Variants in CHD6 observed in about 807,000 individuals in gnomAD.
The protein encoded by CHD6 is ATP-dependent chromatin remodeler CHD6.
CHD6 carries 50 observed loss-of-function variants against 276.9 expected under a neutral mutation model. The ratio of observed to expected loss-of-function variants is 0.18; its 90% CI spans 0.14 to 0.23. CHD6 has a LOEUF of 0.23. CHD6 is among the 10% of genes least tolerant of loss of function. The pLI, the probability that CHD6 is intolerant of heterozygous loss-of-function variation, is 1.00. For missense variants in CHD6, 2,564 were observed against 3,365.8 expected (o/e 0.76, Z 5.89); for synonymous variants, 1,173 against 1,229.3 (o/e 0.95, Z 0.96).
At chr20:41,481,112 G>GA (rs377588953) in intron 16 of CHD6, among the ~76,000 whole-genome samples, 17 of 147,512 alleles carry the variant, frequency 1.2e-4, no homozygotes, top group African/African-American at 3.5e-4. Context: ...CTCAGAAAAA[G>GA]AAAAAAAAAT....
intron 1 of CHD6, among the ~76,000 whole-genome samples, chr20:41,587,047 A>G (rs897307176): frequency 4.6e-5 from 7 of 152,218 alleles, no homozygotes; most frequent in Non-Finnish European, 1.0e-4. Flanking sequence ...CACTTGACAT[A>G]ACTAATCATA....
At chr20:41,570,776 G>A (rs746811416) in intron 1 of CHD6, among the ~76,000 whole-genome samples, 37 of 152,336 alleles carry the variant, frequency 2.4e-4, no homozygotes, top group Non-Finnish European at 4.6e-4. Flanking sequence ...TAACAACTGA[G>A]CTTTAAGCAG....
intron 25 of CHD6, among the ~76,000 whole-genome samples, chr20:41,441,544 T>C (rs1163291344): frequency 6.6e-6 from 1 of 152,198 alleles, no homozygotes; most frequent in Non-Finnish European, 1.5e-5. Context: ...GGAGGCCAAC[T>C]GTCCAGGAGT....
At position 41,403,677 on chromosome 20, in the gene CHD6, A is replaced by G. The variant is rs1204937591; in HGVS notation, c.*916T>C. ...AAAGAACCTTATTCTTGGTGAAGGA[A>G]AGCCTGAAGTGAAAATCCATTCGGT... On this transcript the variant is annotated 3_prime_UTR_variant, in exon 37 of 37. Coordinates refer to ENST00000373233, the MANE Select transcript of CHD6 (RefSeq NM_032221.5). 1 of 1,059,798 alleles carries G rather than the reference A, an allele frequency of 9.4e-7. No individual in the cohort carries two copies. The highest frequency in any genetic ancestry group is 1.1e-6 in the Non-Finnish European group (1 of 875,922). The allele number at this position is 1,059,798 out of a possible 1,614,324, so 65.6% of individuals were successfully genotyped here.
intron 1 of CHD6, among the ~76,000 whole-genome samples, chr20:41,593,937 C>T (rs747630706): frequency 4.0e-5 from 6 of 151,306 alleles, no homozygotes; most frequent in South Asian, 4.2e-4. Context: ...CTATCCAGTC[C>T]GTAGTATTTT....
chr20:41,497,544 C>T, intron 7 of CHD6, 43 bp from the exon 8 acceptor site: 1 of 1,322,608 alleles, frequency 7.6e-7, no homozygotes. Context: ...ACATAACTAG[C>T]AAATGATCGA....
intron 34 of CHD6, 42 bp downstream of exon 34, chr20:41,415,144 T>C (rs766074178): frequency 6.4e-7 from 1 of 1,560,682 alleles, no homozygotes; most frequent in Non-Finnish European, 8.7e-7. Flanking sequence ...TTTCTCAGTG[T>C]AGAAAGGTAA....
At chr20:41,443,795 C>A (rs2047974378) in intron 25 of CHD6, among the ~76,000 whole-genome samples, 1 of 152,206 alleles carries the variant, frequency 6.6e-6, no homozygotes, top group Non-Finnish European at 1.5e-5. Flanking sequence ...GTATTAAAAA[C>A]CCAGTCCTTC....
At position 41,426,084 on chromosome 20, in the gene CHD6, T is replaced by C. The variant is rs768993033; in HGVS notation, c.4129+9A>G. 20 of 1,594,230 alleles carry C rather than the reference T, an allele frequency of 1.3e-5. No individual in the cohort carries two copies. Among genetic ancestry groups the C allele is most frequent in the Middle Eastern group, 3.3e-4 (2 of 6,056 alleles). On this transcript the variant is annotated intron_variant, in intron 28 of 36. Transcript: ENST00000373233. The stretch of plus-strand genomic sequence containing the variant: ...ACTTTCCTATGCCTTCAGAAGGACA[T>C]AGTCTCACCTGCCCGGCTGTCATCC...
intron 5 of CHD6, among the ~76,000 whole-genome samples, chr20:41,509,020 T>C (rs1471406289): frequency 2.6e-5 from 4 of 152,104 alleles, no homozygotes; most frequent in Admixed American, 2.6e-4. Context: ...AACAGAAACA[T>C]ACAGTTCTAC....
At chr20:41,430,036 A>T (rs1183247838) in intron 27 of CHD6, among the ~76,000 whole-genome samples, 1 of 152,248 alleles carries the variant, frequency 6.6e-6, no homozygotes, top group Non-Finnish European at 1.5e-5. Flanking sequence ...AGCTGGGAGA[A>T]AGAAACACCC....
chr20:41,567,607 G>T (rs1398285671), intron 1 of CHD6, among the ~76,000 whole-genome samples: 1 of 144,012 alleles, frequency 6.9e-6, no homozygotes, highest in Non-Finnish European at 1.5e-5. Context: ...AGGTACTGAT[G>T]AAAAAAAAAA....
chr20:41,456,725 T>C (rs891444518), intron 18 of CHD6, among the ~76,000 whole-genome samples: 63 of 152,240 alleles, frequency 4.1e-4, no homozygotes, highest in African/African-American at 1.4e-3. Flanking sequence ...GCCTATACTT[T>C]AAGATACTTT....
chr20:41,597,524 A>G (rs1417811233), intron 1 of CHD6, among the ~76,000 whole-genome samples: 1 of 152,114 alleles, frequency 6.6e-6, no homozygotes, highest in East Asian at 1.9e-4. Flanking sequence ...AGTTGGAAAG[A>G]GGGAAAGCTC....
chr20:41,608,479 C>A (rs2045852471), intron 1 of CHD6, among the ~76,000 whole-genome samples: 1 of 152,162 alleles, frequency 6.6e-6, no homozygotes. Context: ...AATCTCAGAG[C>A]ACAGCTATCC....
At chr20:41,420,363 G>T (rs1207790286) in intron 31 of CHD6, 145 bp downstream of exon 31, 6 of 841,060 alleles carry the variant, frequency 7.1e-6, no homozygotes, top group Non-Finnish European at 1.1e-5. Flanking sequence ...CGAATTTTCA[G>T]TCCAAGGCCT....
At position 41,404,100 on chromosome 20, in the gene CHD6, G is replaced by C. The variant is rs2046602850; in HGVS notation, c.*493C>G. The C allele has an allele frequency of 9.5e-7, 1 of 1,051,390 alleles. No homozygotes were observed. Among genetic ancestry groups the C allele is most frequent in the Non-Finnish European group, 1.1e-6 (1 of 870,624 alleles). The allele number at this position is 1,051,390 out of a possible 1,614,324, so 65.1% of individuals were successfully genotyped here. ...CTCACTTAGTAATCATGATAAAATAGGGAAATATTTTAACTCAAAAATATG... is the reference window on the plus strand; with the variant it reads ...CTCACTTAGTAATCATGATAAAATACGGAAATATTTTAACTCAAAAATATG... On this transcript the variant is annotated 3_prime_UTR_variant, in exon 37 of 37. Transcript: ENST00000373233.
At chr20:41,413,543 A>G (rs1298129064) in intron 34 of CHD6, 28 bp from the exon 35 acceptor site, 1 of 1,461,446 alleles carries the variant, frequency 6.8e-7, no homozygotes, top group South Asian at 1.4e-5. Flanking sequence ...GAGTATGTAT[A>G]ATCACGACAC....
chr20:41,501,870 T>C (rs1007095403), intron 5 of CHD6, among the ~76,000 whole-genome samples: 4 of 149,998 alleles, frequency 2.7e-5, no homozygotes, highest in African/African-American at 9.8e-5. Context: ...TGTTGTCTCT[T>C]TAATTCACAT....
Sources: allele counts gnomAD v4.1 joint callset (sites outside exome capture counted in the v4.1 genomes callset), GRCh38; gene constraint gnomAD v4.1.1; transcripts MANE v1.5; gene names NCBI Gene and HGNC (gene_info 2026-07-23, HGNC 2026-07-21).